The following CAMTA1 variants were observed in gnomAD, a reference collection of about 807,000 sequenced individuals.
The protein encoded by CAMTA1 is calmodulin-binding transcription activator 1.
Under a neutral mutation model 170.9 loss-of-function variants are expected in CAMTA1, and 27 were observed. The ratio of observed to expected loss-of-function variants is 0.16; its 90% CI spans 0.12 to 0.22. The LOEUF (loss-of-function observed/expected upper bound fraction) is 0.22. Among genes scored for constraint, CAMTA1 ranks in the 10% least tolerant of loss-of-function variants. CAMTA1 has a pLI of 1.00. For missense variants in CAMTA1, 1,619 were observed against 2,217.2 expected (o/e 0.73, Z 5.42); for synonymous variants, 833 against 891.5 (o/e 0.93, Z 1.17).
At chr1:7,567,009 G>T (rs915336270) in intron 6 of CAMTA1, among the ~76,000 whole-genome samples, 2 of 152,240 alleles carry the variant, frequency 1.3e-5, no homozygotes, top group East Asian at 1.9e-4. Flanking sequence ...CCCACCCTGG[G>T]TCAGGGTCTG....
chr1:7,467,449 G>C (rs2093237519), intron 5 of CAMTA1, among the ~76,000 whole-genome samples: 1 of 152,164 alleles, frequency 6.6e-6, no homozygotes. Context: ...GCCATTCCCT[G>C]TACCCCAAAG....
chr1:7,342,248 C>T lies in CAMTA1; in HGVS notation c.438+92622C>T, dbSNP rs2083888417. On this transcript the variant is annotated intron_variant, in intron 5 of 22. Coordinates refer to ENST00000303635, the MANE Select transcript of CAMTA1 (RefSeq NM_015215.4). Reference sequence around the variant, plus strand: ...TCAGAAGAGCTCCAGGCTCCACGACCTGTCCAGAGGCAGCAAGGTGGATGC... The same window carrying T: ...TCAGAAGAGCTCCAGGCTCCACGACTTGTCCAGAGGCAGCAAGGTGGATGC... 2.6e-5 allele frequency among the ~76,000 whole-genome samples: 4 copies of T among 152,184 alleles called. No homozygotes were observed. The South Asian group carries it at 8.3e-4, about 32-fold the overall frequency.
At chr1:6,867,795 C>CT (rs1004378339) in intron 3 of CAMTA1, among the ~76,000 whole-genome samples, 11 of 151,216 alleles carry the variant, frequency 7.3e-5, no homozygotes, top group South Asian at 2.1e-4. Context: ...GTAATCACCT[C>CT]TTTTTTTTTC....
chr1:7,645,158 T>G (rs1162618733), intron 7 of CAMTA1, among the ~76,000 whole-genome samples: 1 of 152,124 alleles, frequency 6.6e-6, no homozygotes, highest in East Asian at 1.9e-4. Context: ...GAGATGACTT[T>G]GAGTGGAGTC....
intron 4 of CAMTA1, among the ~76,000 whole-genome samples, chr1:7,098,530 G>C (rs946909040): frequency 1.3e-5 from 2 of 152,216 alleles, no homozygotes; most frequent in African/African-American, 4.8e-5. Context: ...TTCCGGGGGT[G>C]GGGAATGAGC....
intron 5 of CAMTA1, among the ~76,000 whole-genome samples, chr1:7,316,684 C>G (rs188300885): frequency 2.6e-5 from 4 of 152,142 alleles, no homozygotes; most frequent in East Asian, 1.9e-4. Context: ...AAAGGCCTGG[C>G]CTTTTGTTTT....
chr1:7,477,990 A>C (rs1386022277), intron 6 of CAMTA1, among the ~76,000 whole-genome samples: 1 of 152,232 alleles, frequency 6.6e-6, no homozygotes, highest in African/African-American at 2.4e-5. Flanking sequence ...TGGCCAACTG[A>C]ATCAACTTCT....
chr1:7,400,817 A>G (rs998751367), intron 5 of CAMTA1, among the ~76,000 whole-genome samples: 4 of 152,146 alleles, frequency 2.6e-5, no homozygotes, highest in African/African-American at 9.7e-5. Flanking sequence ...GATCCACCCC[A>G]CTTGGGTGCT....
intron 5 of CAMTA1, among the ~76,000 whole-genome samples, chr1:7,334,034 G>C (rs1296425909): frequency 6.6e-6 from 1 of 152,110 alleles, no homozygotes. Context: ...GGAGAGGAAA[G>C]GCCATTTTAA....
At chr1:6,790,661 C>T (rs1640841302) in intron 1 of CAMTA1, among the ~76,000 whole-genome samples, 1 of 152,006 alleles carries the variant, frequency 6.6e-6, no homozygotes, top group South Asian at 2.1e-4. Context: ...ATTTTCACTG[C>T]CATGAAGAAT....
At chr1:7,761,022 C>A (rs1400938613) in intron 22 of CAMTA1, among the ~76,000 whole-genome samples, 1 of 152,182 alleles carries the variant, frequency 6.6e-6, no homozygotes, top group Non-Finnish European at 1.5e-5. Context: ...TGGAAGTAAA[C>A]CCTGTGGGCT....
intron 3 of CAMTA1, among the ~76,000 whole-genome samples, chr1:6,975,516 G>T (rs1012778440): frequency 9.9e-5 from 15 of 152,148 alleles, no homozygotes; most frequent in Admixed American, 9.8e-4. Context: ...AGAGTCTGGG[G>T]AGCTGGGCCT....
chr1:7,308,061 G>GTT (rs146072499), intron 5 of CAMTA1, among the ~76,000 whole-genome samples: 1 of 150,258 alleles, frequency 6.7e-6, no homozygotes, highest in African/African-American at 2.4e-5. Context: ...GGTTGTTGTT[G>GTT]TTTTTTTTTA....
chr1:7,467,355 G>A (rs923643624), intron 5 of CAMTA1, among the ~76,000 whole-genome samples: 3 of 152,182 alleles, frequency 2.0e-5, no homozygotes, highest in African/African-American at 7.2e-5. Flanking sequence ...CCCCCTGGTT[G>A]GGCTCGTACC....
intron 3 of CAMTA1, among the ~76,000 whole-genome samples, chr1:6,977,098 G>A (rs2149615849): frequency 6.6e-6 from 1 of 152,242 alleles, no homozygotes; most frequent in East Asian, 1.9e-4. Flanking sequence ...GTCTTTATTA[G>A]CAGCGTCAGA....
At chr1:7,601,531 G>A (rs970946592) in intron 6 of CAMTA1, among the ~76,000 whole-genome samples, 24 of 152,258 alleles carry the variant, frequency 1.6e-4, no homozygotes, top group African/African-American at 5.8e-4. Context: ...TCACTTCCCA[G>A]ACAGGGTGGC....
chr1:6,854,821 A>C (rs1002255991), intron 3 of CAMTA1, among the ~76,000 whole-genome samples: 3 of 152,260 alleles, frequency 2.0e-5, no homozygotes, highest in African/African-American at 7.2e-5. Context: ...CCCATTCAAA[A>C]TGGAATCTCT....
chr1:6,940,096 C>G (rs1388028890), intron 3 of CAMTA1, among the ~76,000 whole-genome samples: 1 of 152,252 alleles, frequency 6.6e-6, no homozygotes, highest in Admixed American at 6.5e-5. Flanking sequence ...AAATCTTCAA[C>G]TAGGTGCTGG....
chr1:7,225,684 G>T (rs115501279), intron 4 of CAMTA1, among the ~76,000 whole-genome samples: 2 of 152,326 alleles, frequency 1.3e-5, no homozygotes, highest in South Asian at 2.1e-4. Context: ...GATTTCGGGG[G>T]TTCACTTCTC....
Sources: allele counts gnomAD v4.1 joint callset (sites outside exome capture counted in the v4.1 genomes callset), GRCh38; gene constraint gnomAD v4.1.1; transcripts MANE v1.5; gene names NCBI Gene and HGNC (gene_info 2026-07-23, HGNC 2026-07-21).